DDB2: variants seen among roughly 807,000 people sequenced by gnomAD.
The protein encoded by DDB2 is damage specific DNA binding protein 2, also known as DNA damage-binding protein 2.
DDB2 carries 27 observed loss-of-function variants against 50.5 expected under a neutral mutation model. That is an observed-to-expected ratio of 0.53 (90% confidence interval 0.39 to 0.74). The LOEUF is 0.74. DDB2 is among the 30% of genes least tolerant of loss of function. The pLI is 0.00. For synonymous variants in DDB2, 176 were observed against 205.5 expected (o/e 0.86, Z 1.23); for missense variants, 424 against 545.6 (o/e 0.78, Z 2.22).
At chr11:47,235,200 G>C in intron 6 of DDB2, 70 bp from the exon 7 acceptor site, 1 of 1,581,666 alleles carries the variant, frequency 6.3e-7, no homozygotes, top group Non-Finnish European at 8.7e-7. Context: ...CCCTGCAGGA[G>C]AAGGCCTGCA....
chr11:47,230,654 A>G (rs900659101), intron 3 of DDB2, among the ~76,000 whole-genome samples: 1 of 152,184 alleles, frequency 6.6e-6, no homozygotes, highest in Non-Finnish European at 1.5e-5. Context: ...AGAATGTTTT[A>G]TAGAGGGAAG....
chr11:47,220,853 T>C (rs1953474833), intron 3 of DDB2: 1 of 152,208 alleles, frequency 6.6e-6, no homozygotes. Context: ...CTTAATTTTA[T>C]TCCTATTATA....
At chr11:47,237,260 G>A (rs1441460977) in intron 7 of DDB2, among the ~76,000 whole-genome samples, 1 of 152,162 alleles carries the variant, frequency 6.6e-6, no homozygotes, top group Non-Finnish European at 1.5e-5. Flanking sequence ...CAGTTGGTAT[G>A]ATCTTAGGAA....
chr11:47,216,392 A>C lies in DDB2; in HGVS notation c.184A>C (p.Ile62Leu). Residue 62 changes from isoleucine to leucine, a missense_variant, in exon 2 of 10, where the codon ATC becomes CTC. Physicochemically the swap from Ile to Leu is conservative, Grantham distance 5. Coordinates refer to ENST00000256996, the MANE Select transcript of DDB2 (RefSeq NM_000107.3). ...CLWVGLAGPQILPPCRSIVRT... is the reference protein window; with the variant it reads ...CLWVGLAGPQLLPPCRSIVRT... Reference sequence around the variant, plus strand: ...CTGGGTGGGGCTGGCTGGCCCACAGATCCTGCCACCATGCCGCAGCATCGT... The same window carrying C: ...CTGGGTGGGGCTGGCTGGCCCACAGCTCCTGCCACCATGCCGCAGCATCGT... The C allele has an allele frequency of 6.2e-7, 1 of 1,614,174 alleles. No individual in the cohort carries two copies. Among genetic ancestry groups the C allele is most frequent in the Non-Finnish European group, 8.5e-7 (1 of 1,180,044 alleles).
rs1953384042 is a variant in DDB2, at chr11:47,215,253, G to T, written c.117G>T (p.Ala39=). ...AGCCCGAGGCCAAGAAGCTCTGTGCGAAGGGCTCCGGTACTGCCTGTGCCT... is the reference window on the plus strand; with the variant it reads ...AGCCCGAGGCCAAGAAGCTCTGTGCTAAGGGCTCCGGTACTGCCTGTGCCT... ...ELEPEAKKLC[A]KGSGPSRRCD... The change falls in exon 1 of 10, where the codon GCG becomes GCT. Residue 39 remains alanine (A), a synonymous_variant. Transcript: ENST00000256996. The T allele has an allele frequency of 6.2e-7, 1 of 1,613,834 alleles. No homozygotes were observed. The highest frequency in any genetic ancestry group is 2.2e-5 in the East Asian group (1 of 44,868).
intron 3 of DDB2, among the ~76,000 whole-genome samples, chr11:47,224,521 A>G (rs1388020370): frequency 6.6e-6 from 1 of 152,182 alleles, no homozygotes; most frequent in African/African-American, 2.4e-5. Context: ...AAGTGCTGGG[A>G]TTACAGGCGT....
intron 3 of DDB2, among the ~76,000 whole-genome samples, chr11:47,219,152 C>A (rs1233246942): frequency 1.3e-5 from 2 of 152,154 alleles, no homozygotes; most frequent in African/African-American, 4.8e-5. Context: ...ACCGTGTTAG[C>A]CACGATGGTC....
At chr11:47,235,162 G>T in intron 6 of DDB2, 108 bp from the exon 7 acceptor site, 5 of 1,498,340 alleles carry the variant, frequency 3.3e-6, no homozygotes, top group Non-Finnish European at 4.6e-6. Flanking sequence ...TTCCGCTCCT[G>T]TCTAGAGAGG....
intron 3 of DDB2, chr11:47,220,310 T>C (rs1221518897): frequency 6.6e-6 from 1 of 152,244 alleles, no homozygotes; most frequent in Non-Finnish European, 1.5e-5. Flanking sequence ...AGCTTGAAGT[T>C]GAAGTCAGAA....
At chr11:47,215,996 C>T (rs1953395288) in intron 1 of DDB2, 3 of 415,222 alleles carry the variant, frequency 7.2e-6, no homozygotes, top group South Asian at 2.2e-5. Context: ...AAAATTGTGA[C>T]CCAGTCCCAT....
At chr11:47,227,712 A>G (rs1953581124) in intron 3 of DDB2, among the ~76,000 whole-genome samples, 1 of 152,134 alleles carries the variant, frequency 6.6e-6, no homozygotes, top group African/African-American at 2.4e-5. Flanking sequence ...CATTCTTGGA[A>G]TAAGTTCATC....
intron 6 of DDB2, 39 bp downstream of exon 6, chr11:47,234,973 CCTGT>C: frequency 6.2e-7 from 1 of 1,607,058 alleles, no homozygotes; most frequent in African/African-American, 1.3e-5. Flanking sequence ...GCAGACCCTG[CCTGT>C]CTGACCACTG....
chr11:47,216,189 T>C, intron 1 of DDB2, 147 bp from the exon 2 acceptor site: 3 of 1,203,354 alleles, frequency 2.5e-6, no homozygotes, highest in Non-Finnish European at 2.5e-6. Context: ...CTGGTGCTCG[T>C]TGAGACCACA....
chr11:47,238,896 C>T lies in DDB2; in HGVS notation c.*47C>T. On this transcript the variant is annotated 3_prime_UTR_variant, in exon 10 of 10. Transcript: ENST00000256996. ...GCCAGACAAGGCCTTGGAGCCCACA[C>T]ATGGGATCAAGTCCTGCAAGCAGAG... 1 of 1,598,044 alleles carries T rather than the reference C, an allele frequency of 6.3e-7. No homozygotes were observed. The highest frequency in any genetic ancestry group is 8.6e-7 in the Non-Finnish European group (1 of 1,167,646).
At chr11:47,227,541 A>C (rs1347080604) in intron 3 of DDB2, among the ~76,000 whole-genome samples, 1 of 132,132 alleles carries the variant, frequency 7.6e-6, no homozygotes, top group African/African-American at 2.9e-5. Context: ...ATGGAGTTTC[A>C]CTCTTGTCAC....
At position 47,228,732 on chromosome 11, in the gene DDB2, G is replaced by A. The variant is rs143037895; in HGVS notation, c.457-4082G>A. 2.3e-4 allele frequency among the ~76,000 whole-genome samples: 33 copies of A among 145,002 alleles called. No individual in the cohort carries two copies. The East Asian group carries it at 3.4e-3, about 15-fold the overall frequency. On this transcript the variant is annotated intron_variant, in intron 3 of 9. Coordinates refer to ENST00000256996, the MANE Select transcript of DDB2 (RefSeq NM_000107.3). ...TGACTGTTGGGAGGCCGAGGCAGGCGGATCACTTGAAGTCAGGAGTTCGAG... is the reference window on the plus strand; with the variant it reads ...TGACTGTTGGGAGGCCGAGGCAGGCAGATCACTTGAAGTCAGGAGTTCGAG...
intron 3 of DDB2, 153 bp downstream of exon 3, chr11:47,217,202 C>T (rs55642740): frequency 1.6e-6 from 1 of 631,236 alleles, no homozygotes; most frequent in African/African-American, 1.8e-5. Flanking sequence ...ATGGTGAAAC[C>T]CCGTCTCTAC....
At chr11:47,217,837 G>A (rs768717195) in intron 3 of DDB2, among the ~76,000 whole-genome samples, 3 of 151,926 alleles carry the variant, frequency 2.0e-5, no homozygotes, top group Admixed American at 6.6e-5. Context: ...GTTGCAGTGA[G>A]CCGAAATCAC....
At chr11:47,227,398 C>A (rs141546280) in intron 3 of DDB2, among the ~76,000 whole-genome samples, 6 of 152,068 alleles carry the variant, frequency 3.9e-5, no homozygotes, top group Non-Finnish European at 5.9e-5. Flanking sequence ...TGAGACACTG[C>A]GCCCGGCCAT....
Sources: gnomAD v4.1 joint callset for allele counts (sites outside exome capture counted in the v4.1 genomes callset) on GRCh38, gnomAD v4.1.1 for gene constraint, MANE v1.5 for transcripts, NCBI Gene and HGNC (gene_info 2026-07-23, HGNC 2026-07-21) for gene names.